TMEM181: variants seen among roughly 807,000 people sequenced by gnomAD.
The protein encoded by TMEM181 is G protein-coupled receptor 178.
A neutral mutation model predicts 71.9 loss-of-function variants in TMEM181; 39 were observed. The ratio of observed to expected loss-of-function variants is 0.54; its 90% CI spans 0.42 to 0.71. TMEM181 has a LOEUF of 0.71. Among genes scored for constraint, TMEM181 ranks in the 30% least tolerant of loss-of-function variants. The probability of loss-of-function intolerance (pLI) is 0.00; values close to 1 mark genes in which losing one functional copy is unlikely to be tolerated. For missense variants in TMEM181, 595 were observed against 583.0 expected, an observed-to-expected ratio of 1.02 and a Z score of -0.21; for synonymous variants, 245 against 228.8, an observed-to-expected ratio of 1.07 and a Z score of -0.64.
intron 14 of TMEM181, 106 bp from the exon 15 acceptor site, chr6:158,629,624 C>T (rs963429584): frequency 5.2e-6 from 5 of 952,954 alleles, no homozygotes; most frequent in Non-Finnish European, 7.9e-6. Context: ...CTGGCGGGTG[C>T]TTGGCACTAG....
intron 3 of TMEM181, among the ~76,000 whole-genome samples, chr6:158,582,960 C>T (rs191660610): frequency 2.3e-3 from 349 of 152,248 alleles, no homozygotes; most frequent in African/African-American, 7.8e-3. Flanking sequence ...CTTGGCCGGG[C>T]GCAGTGGCTC....
At chr6:158,617,290 T>G (rs1208031074) in intron 10 of TMEM181, among the ~76,000 whole-genome samples, 1 of 152,252 alleles carries the variant, frequency 6.6e-6, no homozygotes. Context: ...TATAGTACTC[T>G]CTGATGGTAG....
chr6:158,618,301 C>G (rs1785737268), intron 10 of TMEM181, among the ~76,000 whole-genome samples: 4 of 135,870 alleles, frequency 2.9e-5, no homozygotes, highest in Admixed American at 2.8e-4. Context: ...GGATTGCAAC[C>G]CCTGCTTTTG....
chr6:158,607,153 A>G, intron 7 of TMEM181, 91 bp from the exon 8 acceptor site: 1 of 1,032,410 alleles, frequency 9.7e-7, no homozygotes. Flanking sequence ...TTGATTAGAG[A>G]AGACAACCTG....
At chr6:158,623,058 TAGTTTCATGCCA>T in intron 10 of TMEM181, among the ~76,000 whole-genome samples, 1 of 152,318 alleles carries the variant, frequency 6.6e-6, no homozygotes, top group South Asian at 2.1e-4. Context: ...CCAGCATGCC[TAGTTTCATGCCA>T]CAGTGACCCA....
intron 5 of TMEM181, among the ~76,000 whole-genome samples, chr6:158,588,974 G>A (rs959241478): frequency 3.3e-5 from 5 of 152,206 alleles, no homozygotes; most frequent in Non-Finnish European, 5.9e-5. Flanking sequence ...TGCATGGCTG[G>A]TGGGTGCACC....
chr6:158,625,817 C>G, intron 13 of TMEM181, 63 bp downstream of exon 13: 1 of 1,421,370 alleles, frequency 7.0e-7, no homozygotes, highest in Non-Finnish European at 9.8e-7. Context: ...TCAGGAATAT[C>G]TGTTGCCTCC....
At chr6:158,537,418 G>C (rs1489167438) in intron 1 of TMEM181, among the ~76,000 whole-genome samples, 2 of 152,206 alleles carry the variant, frequency 1.3e-5, no homozygotes, top group African/African-American at 4.8e-5. Context: ...GGCGCCATGC[G>C]GGGACACGGC....
intron 14 of TMEM181, among the ~76,000 whole-genome samples, chr6:158,629,063 C>A (rs1786513919): frequency 6.6e-6 from 1 of 152,182 alleles, no homozygotes; most frequent in Admixed American, 6.5e-5. Flanking sequence ...GTGCCTGAGG[C>A]CAGTGGCGCA....
At chr6:158,615,498 A>G (rs894345317) in intron 10 of TMEM181, among the ~76,000 whole-genome samples, 7 of 152,162 alleles carry the variant, frequency 4.6e-5, no homozygotes, top group Admixed American at 2.6e-4. Context: ...ATTAGATCCC[A>G]TATGTCTATT....
chr6:158,614,518 G>A (rs1785503938), intron 10 of TMEM181, among the ~76,000 whole-genome samples: 1 of 152,016 alleles, frequency 6.6e-6, no homozygotes, highest in African/African-American at 2.4e-5. Context: ...TTAAGTTCTA[G>A]GGTACATGTG....
At chr6:158,616,995 C>G (rs528941081) in intron 10 of TMEM181, among the ~76,000 whole-genome samples, 70 of 152,276 alleles carry the variant, frequency 4.6e-4, no homozygotes, top group African/African-American at 1.5e-3. Context: ...ATGCTGGCCT[C>G]ATAAAATGAG....
intron 1 of TMEM181, among the ~76,000 whole-genome samples, chr6:158,565,302 GGA>G (rs1469190736): frequency 2.6e-5 from 4 of 152,232 alleles, no homozygotes; most frequent in Non-Finnish European, 5.9e-5. Context: ...GCCCTATGTG[GGA>G]GGGGTAGGCA....
intron 5 of TMEM181, among the ~76,000 whole-genome samples, chr6:158,588,472 G>C (rs1413970385): frequency 6.6e-6 from 1 of 152,128 alleles, no homozygotes; most frequent in East Asian, 1.9e-4. Flanking sequence ...TTTTTGAGAC[G>C]GAGCTTTGCT....
At chr6:158,573,333 G>T (rs371734903) in intron 1 of TMEM181, 87 bp from the exon 2 acceptor site, 1 of 929,582 alleles carries the variant, frequency 1.1e-6, no homozygotes, top group East Asian at 2.6e-5. Context: ...GCAGTGTCGT[G>T]TGGGGAGGGG....
At chr6:158,625,339 G>C in intron 12 of TMEM181, 133 bp downstream of exon 12, 1 of 774,960 alleles carries the variant, frequency 1.3e-6, no homozygotes, top group Non-Finnish European at 2.2e-6. Context: ...ACAGGCTGGG[G>C]ACCAGGGCAC....
chr6:158,621,818 C>G (rs961786512), intron 10 of TMEM181, among the ~76,000 whole-genome samples: 12 of 152,220 alleles, frequency 7.9e-5, no homozygotes, highest in African/African-American at 2.9e-4. Context: ...TCACAGATGC[C>G]TAACTGCTTC....
At chr6:158,598,915 C>G (rs1443841729) in intron 6 of TMEM181, among the ~76,000 whole-genome samples, 1 of 152,178 alleles carries the variant, frequency 6.6e-6, no homozygotes. Context: ...CCTGCCTCGG[C>G]CTCCCAAAGT....
intron 13 of TMEM181, among the ~76,000 whole-genome samples, chr6:158,627,771 T>C (rs1786411102): frequency 6.6e-6 from 1 of 151,540 alleles, no homozygotes; most frequent in African/African-American, 2.4e-5. Context: ...CAGAGGGTCT[T>C]GAGCTGGGAG....
Sources: gnomAD v4.1 joint callset for allele counts (sites outside exome capture counted in the v4.1 genomes callset) on GRCh38, gnomAD v4.1.1 for gene constraint, MANE v1.5 for transcripts, NCBI Gene and HGNC (gene_info 2026-07-23, HGNC 2026-07-21) for gene names.